Variants in MACROD2 observed in about 807,000 individuals in gnomAD.
MACROD2 encodes the protein ADP-ribose glycohydrolase MACROD2.
A neutral mutation model predicts 70.4 loss-of-function variants in MACROD2; 36 were observed. The ratio of observed to expected loss-of-function variants is 0.51; its 90% CI spans 0.39 to 0.68. The LOEUF is 0.68. Among genes scored for constraint, MACROD2 ranks in the 30% least tolerant of loss-of-function variants. MACROD2 has a pLI of 0.00. For synonymous variants in MACROD2, 172 were observed against 178.8 expected (o/e 0.96, Z 0.30); for missense variants, 496 against 538.4 (o/e 0.92, Z 0.78).
At chr20:14,965,028 T>C (rs1174440458) in intron 5 of MACROD2, among the ~76,000 whole-genome samples, 1 of 152,240 alleles carries the variant, frequency 6.6e-6, no homozygotes, top group Admixed American at 6.5e-5. Flanking sequence ...AGATCATTTT[T>C]CTGAAGCACA....
At chr20:15,513,214 G>A (rs959953375) in intron 8 of MACROD2, among the ~76,000 whole-genome samples, 5 of 152,210 alleles carry the variant, frequency 3.3e-5, no homozygotes, top group Admixed American at 2.0e-4. Flanking sequence ...GCAGGAAATG[G>A]CCATTTGCCA....
At chr20:14,672,405 G>A (rs576593886) in intron 4 of MACROD2, among the ~76,000 whole-genome samples, 2 of 152,326 alleles carry the variant, frequency 1.3e-5, no homozygotes, top group East Asian at 3.9e-4. Flanking sequence ...CTGGCACAGA[G>A]TCACTTTTGC....
chr20:14,928,106 ACT>A (rs1454707802), intron 5 of MACROD2, among the ~76,000 whole-genome samples: 1 of 152,188 alleles, frequency 6.6e-6, no homozygotes. Context: ...GCCATACTAA[ACT>A]CTGAACAGAC....
At chr20:14,487,344 A>T (rs1274577690) in intron 3 of MACROD2, among the ~76,000 whole-genome samples, 2 of 152,148 alleles carry the variant, frequency 1.3e-5, no homozygotes, top group Admixed American at 6.5e-5. Flanking sequence ...GGAGCCTGGC[A>T]CATGTCAGGT....
At chr20:15,052,697 TTAA>T (rs1199916868) in intron 5 of MACROD2, among the ~76,000 whole-genome samples, 1 of 152,166 alleles carries the variant, frequency 6.6e-6, no homozygotes, top group Admixed American at 6.5e-5. Context: ...ACCGAGCCAG[TTAA>T]TAACTCTACA....
intron 4 of MACROD2, among the ~76,000 whole-genome samples, chr20:14,515,075 A>C (rs2085076434): frequency 6.6e-6 from 1 of 152,130 alleles, no homozygotes; most frequent in Non-Finnish European, 1.5e-5. Flanking sequence ...AAAATCGTGA[A>C]AAAAGAGCAT....
intron 3 of MACROD2, among the ~76,000 whole-genome samples, chr20:14,277,502 T>C (rs2082269881): frequency 6.6e-6 from 1 of 152,142 alleles, no homozygotes; most frequent in South Asian, 2.1e-4. Flanking sequence ...GCTAGTTTAC[T>C]TGATGGTTTA....
At position 15,484,989 on chromosome 20, in the gene MACROD2, GA is replaced by G. The variant is rs199704263; in HGVS notation, c.572-14782del. ...ACCTCACTTCTTCGAAGGATCTAAA[GA>G]AAGTTGTTGCTTTCTTTTAGTTGGT... is the stretch of plus-strand genomic sequence containing the variant. On this transcript the variant is annotated intron_variant, in intron 7 of 17. Coordinates refer to ENST00000684519, the MANE Select transcript of MACROD2 (RefSeq NM_001351661.2). 2.6e-3 allele frequency among the ~76,000 whole-genome samples: 395 copies of G among 152,250 alleles called. 2 individuals carry two copies. The highest frequency in any genetic ancestry group is 9.1e-3 in the African/African-American group (379 of 41,550).
At chr20:14,032,901 TAGTA>T (rs1483056185) in intron 2 of MACROD2, among the ~76,000 whole-genome samples, 3 of 152,170 alleles carry the variant, frequency 2.0e-5, no homozygotes, top group African/African-American at 4.8e-5. Context: ...TTCTGATCTT[TAGTA>T]AGTGCTAGCT....
intron 3 of MACROD2, among the ~76,000 whole-genome samples, chr20:14,473,618 A>G (rs1301462633): frequency 6.6e-6 from 1 of 152,202 alleles, no homozygotes; most frequent in Non-Finnish European, 1.5e-5. Context: ...CTTGGAGTGC[A>G]GATGTCTCTT....
chr20:15,021,894 A>C (rs563630542), intron 5 of MACROD2, among the ~76,000 whole-genome samples: 9 of 152,302 alleles, frequency 5.9e-5, no homozygotes, highest in Non-Finnish European at 1.2e-4. Flanking sequence ...GTACCACACC[A>C]ATGCAAGATG....
At chr20:14,447,407 T>G (rs2084194845) in intron 3 of MACROD2, among the ~76,000 whole-genome samples, 1 of 152,158 alleles carries the variant, frequency 6.6e-6, no homozygotes, top group Non-Finnish European at 1.5e-5. Flanking sequence ...ATTAAAGATT[T>G]TGTGAGGACA....
chr20:14,617,962 G>A (rs1983575538), intron 4 of MACROD2, among the ~76,000 whole-genome samples: 1 of 152,132 alleles, frequency 6.6e-6, no homozygotes, highest in Non-Finnish European at 1.5e-5. Flanking sequence ...AGTCACAAAG[G>A]AAGGTTTCTT....
chr20:15,876,111 A>ATATATATATATATATATATATG lies in MACROD2; in HGVS notation c.728-9652_728-9651insATATATATATATATATATATGT, dbSNP rs1555789655. ...GTCTTTTATATATATATATATATAT[A>ATATATATATATATATATATATG]TGTGTGTATTTTTTTTATTACACTG... On this transcript the variant is annotated intron_variant, in intron 9 of 17. Coordinates refer to ENST00000684519, the MANE Select transcript of MACROD2 (RefSeq NM_001351661.2). Among the ~76,000 whole-genome samples the ATATATATATATATATATATATG allele has an allele frequency of 1.3e-3, 174 of 138,776 alleles. 1 individual carries two copies. The highest frequency in any genetic ancestry group is 4.6e-3 in the African/African-American group (159 of 34,730). 91.0% of individuals were successfully genotyped at this position (138,776 alleles called of 152,430 possible).
chr20:14,263,612 A>C (rs1028073075), intron 3 of MACROD2, among the ~76,000 whole-genome samples: 2 of 152,160 alleles, frequency 1.3e-5, no homozygotes, highest in Non-Finnish European at 2.9e-5. Flanking sequence ...GAGCTCAAAC[A>C]GGCCCATGAC....
At chr20:16,044,509 T>C (rs2067351666) in intron 16 of MACROD2, 62 bp from the exon 17 acceptor site, 3 of 1,394,164 alleles carry the variant, frequency 2.2e-6, no homozygotes, top group Non-Finnish European at 2.0e-6. Context: ...TGGGTCATTT[T>C]AATGTGTCTC....
chr20:14,190,184 C>A (rs1169925889), intron 3 of MACROD2, among the ~76,000 whole-genome samples: 1 of 152,162 alleles, frequency 6.6e-6, no homozygotes, highest in Non-Finnish European at 1.5e-5. Context: ...TCTAATTCTT[C>A]ATCTGCAAAA....
chr20:15,542,721 T>G (rs904613158), intron 8 of MACROD2, among the ~76,000 whole-genome samples: 2 of 152,234 alleles, frequency 1.3e-5, no homozygotes, highest in African/African-American at 4.8e-5. Flanking sequence ...TATTTACTAT[T>G]GTAAGCTTCA....
intron 6 of MACROD2, among the ~76,000 whole-genome samples, chr20:15,413,945 A>G (rs768642923): frequency 1.3e-5 from 2 of 152,196 alleles, no homozygotes; most frequent in Non-Finnish European, 2.9e-5. Context: ...ATGCTATTAT[A>G]TATGTATATA....
Sources: gnomAD v4.1 joint callset for allele counts (sites outside exome capture counted in the v4.1 genomes callset) on GRCh38, gnomAD v4.1.1 for gene constraint, MANE v1.5 for transcripts, NCBI Gene and HGNC (gene_info 2026-07-23, HGNC 2026-07-21) for gene names.